TCF7L2: variants seen among roughly 807,000 people sequenced by gnomAD.
TCF7L2 encodes transcription factor 7 like 2.
In TCF7L2, 23 loss-of-function variants were observed where a neutral mutation model predicts 77.9. That is an observed-to-expected ratio of 0.30 (90% CI 0.21 to 0.42). The LOEUF (loss-of-function observed/expected upper bound fraction) is 0.42, where lower values mean the gene tolerates loss of function less well. Ranked by LOEUF, TCF7L2 falls within the 10% of genes least tolerant of loss-of-function variation. The pLI is 1.00. For missense variants in TCF7L2, 654 were observed against 793.1 expected, an observed-to-expected ratio of 0.82 and a Z score of 2.11; for synonymous variants, 413 against 340.2, an observed-to-expected ratio of 1.21 and a Z score of -2.36.
intron 5 of TCF7L2, among the ~76,000 whole-genome samples, chr10:113,123,863 G>A (rs1022331714): frequency 1.3e-5 from 2 of 152,082 alleles, no homozygotes; most frequent in Non-Finnish European, 2.9e-5. Flanking sequence ...CCTCTTAACC[G>A]ATTTTGTCTC....
chr10:113,068,289 C>T lies in TCF7L2; in HGVS notation c.552+28163C>T, dbSNP rs114081926. Among the ~76,000 whole-genome samples, 1,010 of 152,320 alleles carry T rather than the reference C, an allele frequency of 6.6e-3. 11 individuals carry two copies. The highest frequency in any genetic ancestry group is 0.024 in the African/African-American group (983 of 41,566). ...TTTTGGACAAAAAGGCTGCTGGAGC[C>T]GCTGCCGTCTCTATTCTTGCACTGC... is the stretch of plus-strand genomic sequence containing the variant. On this transcript the variant is annotated intron_variant, in intron 5 of 13. Transcript: ENST00000627217.
chr10:112,988,115 T>C (rs769904958), intron 4 of TCF7L2, among the ~76,000 whole-genome samples: 1 of 150,768 alleles, frequency 6.6e-6, no homozygotes, highest in African/African-American at 2.5e-5. Context: ...TGTGTGTGTG[T>C]TTTGAGACAG....
At chr10:113,019,946 C>T (rs918471300) in intron 4 of TCF7L2, among the ~76,000 whole-genome samples, 2 of 152,202 alleles carry the variant, frequency 1.3e-5, no homozygotes, top group African/African-American at 2.4e-5. Flanking sequence ...CCCAGAACCC[C>T]CCTGTTGGTT....
At chr10:113,159,221 T>C (rs1040678615) in intron 12 of TCF7L2, among the ~76,000 whole-genome samples, 1 of 152,194 alleles carries the variant, frequency 6.6e-6, no homozygotes, top group African/African-American at 2.4e-5. Context: ...TTTTACTGAC[T>C]GTGCCTGCTT....
At chr10:113,107,436 C>T (rs941255328) in intron 5 of TCF7L2, among the ~76,000 whole-genome samples, 2 of 152,068 alleles carry the variant, frequency 1.3e-5, no homozygotes, top group African/African-American at 4.8e-5. Flanking sequence ...TTGATGTACA[C>T]ATTTGTGGTC....
chr10:113,167,587 G>T lies in TCF7L2; in HGVS notation c.*1615G>T. The T allele has an allele frequency of 4.9e-6, 1 of 205,134 alleles. No individual in the cohort carries two copies. Among genetic ancestry groups the T allele is most frequent in the Non-Finnish European group, 1.0e-5 (1 of 100,260 alleles). 12.7% of individuals were successfully genotyped at this position (205,134 alleles called of 1,614,324 possible). On this transcript the variant is annotated 3_prime_UTR_variant, in exon 14 of 14. Coordinates refer to ENST00000627217, the MANE Select transcript of TCF7L2 (RefSeq NM_001146274.2). ...CAAGTTCATTTTTAATGGTTTGGAA[G>T]CCATTTTTGTAATGAATAAATGTTC...
intron 4 of TCF7L2, among the ~76,000 whole-genome samples, chr10:112,998,990 A>G (rs2043998195): frequency 6.6e-6 from 1 of 152,132 alleles, no homozygotes; most frequent in African/African-American, 2.4e-5. Flanking sequence ...CCCCCAGCAA[A>G]GTGAATACCA....
rs150069534 is a variant in TCF7L2 at position 112,954,006 on chromosome 10, T to TAA, written c.381+2400_381+2401insAA. On this transcript the variant is annotated intron_variant, in intron 3 of 13. Transcript: ENST00000627217. ...TGCTCCAAAATTAAAGTTATTTATT[T>TAA]AGGCTGGTCAGCAGAGCAGTGGAAA... Among the ~76,000 whole-genome samples, 3 of 152,346 alleles carry TAA rather than the reference T, an allele frequency of 2.0e-5. No individual in the cohort carries two copies. In the East Asian group the frequency reaches 5.8e-4, roughly 29 times the overall value.
At chr10:112,956,997 G>T (rs183926738) in intron 3 of TCF7L2, among the ~76,000 whole-genome samples, 79 of 152,142 alleles carry the variant, frequency 5.2e-4, no homozygotes, top group African/African-American at 1.8e-3. Context: ...TTTGGCAGCT[G>T]ACTTGTACGT....
At chr10:112,961,368 G>A (rs567036706) in intron 3 of TCF7L2, among the ~76,000 whole-genome samples, 1 of 151,574 alleles carries the variant, frequency 6.6e-6, no homozygotes, top group Non-Finnish European at 1.5e-5. Context: ...TCTTGTCCTG[G>A]ACTTCGCAGT....
chr10:112,999,035 G>C (rs2044006148), intron 4 of TCF7L2, among the ~76,000 whole-genome samples: 1 of 152,178 alleles, frequency 6.6e-6, no homozygotes, highest in African/African-American at 2.4e-5. Flanking sequence ...TTATTTTTCA[G>C]AGACAGGGTC....
rs555384052 is a variant in TCF7L2, at chr10:113,004,820, C to G, written c.451-35205C>G. Reference sequence around the variant, plus strand: ...CCTGAGTAGCTGGGATGTCAGGCACCCGCCACCATGCCCGGCTAATTTTCG... The same window carrying G: ...CCTGAGTAGCTGGGATGTCAGGCACGCGCCACCATGCCCGGCTAATTTTCG... On this transcript the variant is annotated intron_variant, in intron 4 of 13. Coordinates refer to ENST00000627217, the MANE Select transcript of TCF7L2 (RefSeq NM_001146274.2). Among the ~76,000 whole-genome samples, 40 of 152,182 alleles carry G rather than the reference C, an allele frequency of 2.6e-4. No homozygotes were observed. In the East Asian group the frequency reaches 7.6e-3, roughly 29 times the overall value.
At chr10:113,153,795 A>G (rs1187454165) in intron 11 of TCF7L2, among the ~76,000 whole-genome samples, 1 of 152,244 alleles carries the variant, frequency 6.6e-6, no homozygotes, top group East Asian at 1.9e-4. Flanking sequence ...AGCATCCGCC[A>G]GGAAATCGCA....
chr10:113,052,927 G>C (rs1011480887), intron 5 of TCF7L2, among the ~76,000 whole-genome samples: 2 of 152,118 alleles, frequency 1.3e-5, no homozygotes, highest in Non-Finnish European at 2.9e-5. Flanking sequence ...TTTTAATTTG[G>C]AAGAAGAGGG....
chr10:113,005,528 C>A (rs755630689), intron 4 of TCF7L2, among the ~76,000 whole-genome samples: 6 of 152,184 alleles, frequency 3.9e-5, no homozygotes, highest in Non-Finnish European at 8.8e-5. Context: ...TTGATCTCGA[C>A]AACCCCTTAG....
At chr10:112,954,503 CATA>C (rs1379666842) in intron 3 of TCF7L2, among the ~76,000 whole-genome samples, 1 of 152,102 alleles carries the variant, frequency 6.6e-6, no homozygotes, top group Non-Finnish European at 1.5e-5. Context: ...AAGATTTCTG[CATA>C]ATATTAATTT....
At chr10:112,963,238 A>G (rs557286936) in intron 3 of TCF7L2, among the ~76,000 whole-genome samples, 6 of 152,272 alleles carry the variant, frequency 3.9e-5, no homozygotes, top group Non-Finnish European at 5.9e-5. Flanking sequence ...TTATGGGATT[A>G]CTACCCTTGT....
Position 113,059,065 on chromosome 10 carries a change from G to A in TCF7L2, c.552+18939G>A, listed in dbSNP as rs2055935188. On this transcript the variant is annotated intron_variant, in intron 5 of 13. Coordinates refer to ENST00000627217, the MANE Select transcript of TCF7L2 (RefSeq NM_001146274.2). ...GGGGGATAAAAAGAGTAGGAAAGTG[G>A]TGTGGGGAGGGGAAGCTTTAGGGCC... is the stretch of plus-strand genomic sequence containing the variant. 2.6e-5 allele frequency among the ~76,000 whole-genome samples: 4 copies of A among 152,296 alleles called. No individual in the cohort carries two copies. The South Asian group carries it at 8.3e-4, about 32-fold the overall frequency.
intron 4 of TCF7L2, among the ~76,000 whole-genome samples, chr10:112,978,400 TG>T (rs1254313576): frequency 6.6e-6 from 1 of 152,140 alleles, no homozygotes; most frequent in Non-Finnish European, 1.5e-5. Context: ...CTCATTAGGA[TG>T]TATAAGGACC....
Sources: allele counts gnomAD v4.1 joint callset (sites outside exome capture counted in the v4.1 genomes callset), GRCh38; gene constraint gnomAD v4.1.1; transcripts MANE v1.5; gene names NCBI Gene and HGNC (gene_info 2026-07-23, HGNC 2026-07-21).